The following DERPC variants were observed in gnomAD, a reference collection of about 807,000 sequenced individuals.
The protein encoded by DERPC is DERPC proline and glycine rich nuclear protein, also known as decreased expression in renal and prostate cancer protein.
A neutral mutation model predicts 7.2 loss-of-function variants in DERPC; 1 was observed. That is an observed-to-expected ratio of 0.14 (90% confidence interval 0.05 to 0.66). DERPC has a LOEUF of 0.66. DERPC is among the 30% of genes least tolerant of loss of function. The probability of loss-of-function intolerance (pLI) is 0.84; values close to 1 mark genes in which losing one functional copy is unlikely to be tolerated. For synonymous variants in DERPC, 185 were observed against 117.6 expected (o/e 1.57, Z -3.71); for missense variants, 502 against 299.4 (o/e 1.68, Z -4.99).
At chr16:69,127,836 C>G (rs1962188863) in intron 1 of DERPC, among the ~76,000 whole-genome samples, 1 of 152,080 alleles carries the variant, frequency 6.6e-6, no homozygotes, top group African/African-American at 2.4e-5. Context: ...TCTCGAACTC[C>G]TGACCTCAAG....
chr16:69,119,644 C>G lies in DERPC; in HGVS notation c.785G>C (p.Gly262Ala). The change falls in exon 3 of 3, where the codon GGT becomes GCT. Residue 262 changes from glycine (G) to alanine (A), a missense_variant. Transcript: ENST00000519520. The stretch of plus-strand genomic sequence containing the variant: ...AGGTCCAGCCATTCTTAAGTTAAGA[C>G]CAGATCCTGTGCCCAAGAGGCCACC... ...RAGGLLGTGS[G>A]LNLRMAGPQG... is the part of the protein sequence containing the mutation. 1.5e-6 allele frequency: 1 copy of G among 682,714 alleles called. No homozygotes were observed. Among genetic ancestry groups the G allele is most frequent in the Non-Finnish European group, 2.7e-6 (1 of 374,002 alleles). 42.3% of individuals were successfully genotyped at this position (682,714 alleles called of 1,614,324 possible).
rs1363512343 is a variant in DERPC, at chr16:69,121,601, C to T, written c.-279-108G>A. ...CAATCGATTCTCCTGCCTCAGCCTC[C>T]CGAGTAGCTGGGAATACAGGCACCC... is the stretch of plus-strand genomic sequence containing the variant. On this transcript the variant is annotated intron_variant, in intron 1 of 2. Transcript: ENST00000519520. 1.9e-5 allele frequency: 12 copies of T among 642,058 alleles called. No homozygotes were observed. In the Admixed American group the frequency reaches 3.5e-4, roughly 19 times the overall value. 39.8% of individuals were successfully genotyped at this position (642,058 alleles called of 1,614,324 possible). A position where few individuals can be genotyped will look rare whatever the true frequency, so the allele number is the denominator to read the frequency against.
chr16:69,120,368 G>T lies in DERPC; in HGVS notation c.61C>A (p.Pro21Thr). Residue 21 changes from proline to threonine, a missense_variant, in exon 3 of 3, where the codon CCA (proline) becomes ACA (threonine). By Grantham distance (38) the Pro-to-Thr change is conservative. Transcript: ENST00000519520. The surrounding 1 kb of genome is among the most constrained non-coding windows in gnomAD (Gnocchi z 4.0). Reference protein sequence around the residue: ...RPTPWTRAPLPPRGRLDGSLG... With the variant: ...RPTPWTRAPLTPRGRLDGSLG... ...GAACCGTCGAGCCGTCCTCGAGGTG[G>T]CAGCGGAGCACGAGTCCAAGGAGTT... 6.5e-7 allele frequency: 1 copy of T among 1,546,790 alleles called. No homozygotes were observed. Among genetic ancestry groups the T allele is most frequent in the Non-Finnish European group, 8.9e-7 (1 of 1,118,992 alleles).
At chr16:69,131,348 T>G (rs1457890078) in intron 1 of DERPC, 1 of 152,168 alleles carries the variant, frequency 6.6e-6, no homozygotes, top group Non-Finnish European at 1.5e-5. Context: ...TCTGAGTTAC[T>G]GCAGTTTTCT....
chr16:69,120,613 A>T lies in DERPC; in HGVS notation c.-185T>A. 6.2e-7 allele frequency: 1 copy of T among 1,613,746 alleles called. No individual in the cohort carries two copies. Among genetic ancestry groups the T allele is most frequent in the Non-Finnish European group, 8.5e-7 (1 of 1,179,704 alleles). ...TTCTCCAGGTGGATGATTTTCCCAT[A>T]CAGGATATGATGCCCCACGATCAGC... is the stretch of plus-strand genomic sequence containing the variant. On this transcript the variant is annotated 5_prime_UTR_variant, in exon 3 of 3. Transcript: ENST00000519520. This position sits in a 1 kb window ranked among gnomAD's most constrained non-coding sequence, Gnocchi z 4.0.
chr16:69,121,208 G>C (rs1202005711), intron 2 of DERPC: 1 of 1,578,612 alleles, frequency 6.3e-7, no homozygotes, highest in Non-Finnish European at 8.7e-7. Context: ...TATTTTTGAG[G>C]GGTGAAGGAT....
chr16:69,130,648 G>A (rs926439919), intron 1 of DERPC, among the ~76,000 whole-genome samples: 3 of 152,190 alleles, frequency 2.0e-5, no homozygotes, highest in African/African-American at 7.2e-5. Context: ...GCAAGAACGA[G>A]TAATGAATGT....
At chr16:69,131,834 C>G (rs538413194) in intron 1 of DERPC, among the ~76,000 whole-genome samples, 1 of 151,944 alleles carries the variant, frequency 6.6e-6, no homozygotes, top group South Asian at 2.1e-4. Flanking sequence ...CCACCCCACT[C>G]GTCTCTCGGC....
At chr16:69,130,636 T>C (rs1422307701) in intron 1 of DERPC, among the ~76,000 whole-genome samples, 1 of 152,226 alleles carries the variant, frequency 6.6e-6, no homozygotes, top group African/African-American at 2.4e-5. Context: ...TGAAAGGCTG[T>C]TGCAAGAACG....
rs1961584974 is a variant in DERPC, at chr16:69,120,654, G to A, written c.-221-5C>T. On this transcript the variant is annotated splice_region_variant and splice_polypyrimidine_tract_variant and intron_variant, in intron 2 of 2. Coordinates refer to ENST00000519520, the MANE Select transcript of DERPC (RefSeq NM_001002847.4). The surrounding 1 kb of genome is among the most constrained non-coding windows in gnomAD (Gnocchi z 4.0). ...CACGATCAGCACAGGGATTCCCTTT[G>A]GCAGAACAAGAACGAGATTCCTGAG... 6.2e-7 allele frequency: 1 copy of A among 1,603,868 alleles called. No homozygotes were observed. The highest frequency in any genetic ancestry group is 8.5e-7 in the Non-Finnish European group (1 of 1,171,844).
intron 1 of DERPC, chr16:69,132,101 G>C: frequency 6.4e-6 from 1 of 155,522 alleles, no homozygotes; most frequent in South Asian, 1.9e-4. Context: ...CGAGATTCCG[G>C]CCCTCGCCGC....
chr16:69,131,507 A>T (rs1962516177), intron 1 of DERPC: 1 of 16,786 alleles, frequency 6.0e-5, no homozygotes, highest in Admixed American at 7.5e-4. Context: ...TTCTCCACCC[A>T]CTCCCTCTCG....
In DERPC at chr16:69,120,728, G is replaced by A; in HGVS notation, c.-221-79C>T. On this transcript the variant is annotated intron_variant, in intron 2 of 2. Coordinates refer to ENST00000519520, the MANE Select transcript of DERPC (RefSeq NM_001002847.4). This position sits in a 1 kb window ranked among gnomAD's most constrained non-coding sequence, Gnocchi z 4.0. ...TCAGGCGCCTCCTAAAGCTGCTCTT[G>A]GCAGGCTATGCTGGCACCTCCAATC... is the stretch of plus-strand genomic sequence containing the variant. 2 of 1,267,506 alleles carry A rather than the reference G, an allele frequency of 1.6e-6. No individual in the cohort carries two copies. The highest frequency in any genetic ancestry group is 2.2e-6 in the Non-Finnish European group (2 of 892,694). 78.5% of individuals were successfully genotyped at this position (1,267,506 alleles called of 1,614,324 possible). A position where few individuals can be genotyped will look rare whatever the true frequency, so the allele number is the denominator to read the frequency against.
At chr16:69,129,240 A>G (rs7197515) in intron 1 of DERPC, among the ~76,000 whole-genome samples, 1 of 151,578 alleles carries the variant, frequency 6.6e-6, no homozygotes, top group Non-Finnish European at 1.5e-5. Flanking sequence ...ATCATCCTGG[A>G]TAACACAGTG....
At chr16:69,122,521 T>C (rs1265757110) in intron 1 of DERPC, among the ~76,000 whole-genome samples, 3 of 151,486 alleles carry the variant, frequency 2.0e-5, no homozygotes. Flanking sequence ...TACAGGTGCA[T>C]GTCACCATAC....
chr16:69,123,925 TAAAAAA>T (rs757493986), intron 1 of DERPC, among the ~76,000 whole-genome samples: 1 of 76,962 alleles, frequency 1.3e-5, no homozygotes, highest in Non-Finnish European at 2.5e-5. Context: ...CCATCTCTAC[TAAAAAA>T]AAAAAAAAAA....
Position 69,120,757 on chromosome 16 carries a change from G to T in DERPC, c.-221-108C>A. The T allele has an allele frequency of 1.0e-6, 1 of 969,366 alleles. No homozygotes were observed. Among genetic ancestry groups the T allele is most frequent in the African/African-American group, 1.6e-5 (1 of 61,938 alleles). 60.0% of individuals were successfully genotyped at this position (969,366 alleles called of 1,614,324 possible). On this transcript the variant is annotated intron_variant, in intron 2 of 2. Transcript: ENST00000519520. This position sits in a 1 kb window ranked among gnomAD's most constrained non-coding sequence, Gnocchi z 4.0. ...GGCTATGCTGGCACCTCCAATCCCT[G>T]GTCTGGCTCTGCCATTGTTGAGCAG...
At chr16:69,121,549 C>A (rs1283492977) in intron 1 of DERPC, 56 bp from the exon 2 acceptor site, 1 of 1,039,042 alleles carries the variant, frequency 9.6e-7, no homozygotes, top group Non-Finnish European at 1.4e-6. Flanking sequence ...AATAATGACA[C>A]CTAATGCAAC....
intron 1 of DERPC, among the ~76,000 whole-genome samples, chr16:69,124,160 A>C (rs1333285648): frequency 6.6e-6 from 1 of 151,998 alleles, no homozygotes; most frequent in Non-Finnish European, 1.5e-5. Flanking sequence ...CAGCAGCACC[A>C]CCTGGTGGCA....
Sources: allele counts gnomAD v4.1 joint callset (sites outside exome capture counted in the v4.1 genomes callset), GRCh38; gene constraint gnomAD v4.1.1; non-coding constraint Gnocchi (gnomAD v3.1); transcripts MANE v1.5; gene names NCBI Gene and HGNC (gene_info 2026-07-23, HGNC 2026-07-21).